EHD2: variants seen among roughly 807,000 people sequenced by gnomAD.
The protein encoded by EHD2 is EH domain-containing protein 2.
EHD2 carries 27 observed loss-of-function variants against 41.0 expected under a neutral mutation model. The observed-to-expected ratio is 0.66, with a 90% CI of 0.49 to 0.91. The LOEUF is 0.91. EHD2 is among the 40% of genes least tolerant of loss of function. EHD2 has a pLI of 0.00. For synonymous variants in EHD2, 342 were observed against 341.0 expected, an observed-to-expected ratio of 1.00 and a Z score of -0.03; for missense variants, 673 against 773.9, an observed-to-expected ratio of 0.87 and a Z score of 1.55.
rs766223992 is a variant in EHD2, at chr19:47,736,485, G to A, written c.1032G>A (p.Leu344=). The A allele has an allele frequency of 1.9e-6, 3 of 1,612,356 alleles. No individual in the cohort carries two copies. Among genetic ancestry groups the A allele is most frequent in the East Asian group, 2.2e-5 (1 of 44,708 alleles). The change falls in exon 5 of 6, where the codon CTG becomes CTA. Residue 344 remains leucine, a synonymous_variant. Transcript: ENST00000263277. The stretch of plus-strand genomic sequence containing the variant: ...CCGTCATCTTTGCGAAGATTCAGCT[G>A]GAACATCACATCTCCCCTGGGGACT... ...KLPVIFAKIQ[L]EHHISPGDFP...
intron 3 of EHD2, among the ~76,000 whole-genome samples, chr19:47,724,226 G>A (rs535477649): frequency 6.6e-6 from 1 of 151,884 alleles, no homozygotes; most frequent in Non-Finnish European, 1.5e-5. Flanking sequence ...CCATAGGCAT[G>A]AGCCACCAAC....
Position 47,736,450 on chromosome 19 carries a change from C to G in EHD2, c.997C>G (p.Leu333Val), listed in dbSNP as rs1330340362. The change falls in exon 5 of 6, where the codon CTC becomes GTC. Residue 333 changes from leucine to valine, a missense_variant. Physicochemically the swap from Leu to Val is conservative, Grantham distance 32. Coordinates refer to ENST00000263277, the MANE Select transcript of EHD2 (RefSeq NM_014601.4). ...GKENKKKQLILKLPVIFAKIQ... is the reference protein window; with the variant it reads ...GKENKKKQLIVKLPVIFAKIQ... The stretch of plus-strand genomic sequence containing the variant: ...GGAGAACAAGAAGAAGCAGCTGATC[C>G]TCAAACTGCCCGTCATCTTTGCGAA... The G allele has an allele frequency of 6.2e-7, 1 of 1,612,984 alleles. No individual in the cohort carries two copies. Among genetic ancestry groups the G allele is most frequent in the South Asian group, 1.1e-5 (1 of 90,796 alleles).
At chr19:47,739,484 C>A (rs1325610174) in intron 5 of EHD2, among the ~76,000 whole-genome samples, 4 of 149,584 alleles carry the variant, frequency 2.7e-5, no homozygotes, top group African/African-American at 9.8e-5. Flanking sequence ...GCCTGTAATC[C>A]CAGCTACTTG....
rs981524707 is a variant in EHD2 at position 47,719,292 on chromosome 19, G to A, written c.502+686G>A. Among the ~76,000 whole-genome samples, 1 of 152,038 alleles carries A rather than the reference G, an allele frequency of 6.6e-6. No homozygotes were observed. The highest frequency in any genetic ancestry group is 2.4e-5 in the African/African-American group (1 of 41,396). ...AGCCTGGGCAGGGGAGGCAGAGCCCGGGCAGGGGAGGCTGGGCCCTGCGAG... is the reference window on the plus strand; with the variant it reads ...AGCCTGGGCAGGGGAGGCAGAGCCCAGGCAGGGGAGGCTGGGCCCTGCGAG... On this transcript the variant is annotated intron_variant, in intron 3 of 5. Coordinates refer to ENST00000263277, the MANE Select transcript of EHD2 (RefSeq NM_014601.4). The surrounding 1 kb of genome is among the most constrained non-coding windows in gnomAD (Gnocchi z 4.1).
intron 4 of EHD2, among the ~76,000 whole-genome samples, chr19:47,734,109 G>A (rs913924090): frequency 2.6e-5 from 4 of 152,198 alleles, no homozygotes; most frequent in African/African-American, 9.7e-5. Context: ...CACCTTGGGT[G>A]TCTCCCCAGG....
intron 4 of EHD2, among the ~76,000 whole-genome samples, chr19:47,730,024 C>T (rs561596272): frequency 6.6e-6 from 1 of 152,104 alleles, no homozygotes; most frequent in African/African-American, 2.4e-5. Context: ...AGGTTCGTTC[C>T]CGCGGGTCCC....
At chr19:47,715,078 T>TAAATAAAA (rs1208918213) in intron 1 of EHD2, among the ~76,000 whole-genome samples, 108 of 139,738 alleles carry the variant, frequency 7.7e-4, no homozygotes, top group Middle Eastern at 7.4e-3. Flanking sequence ...AATAAATAAA[T>TAAATAAAA]AAAAAGAAAG....
rs557083531 is a variant in EHD2, at chr19:47,738,295, C to T, written c.1080+1762C>T. On this transcript the variant is annotated intron_variant, in intron 5 of 5. Coordinates refer to ENST00000263277, the MANE Select transcript of EHD2 (RefSeq NM_014601.4). Reference sequence around the variant, plus strand: ...TAGCCACATTCAAATGGAATGTTAACGTGTATTTCTTTTTTCTTTTTTTTT... The same window carrying T: ...TAGCCACATTCAAATGGAATGTTAATGTGTATTTCTTTTTTCTTTTTTTTT... Among the ~76,000 whole-genome samples the T allele has an allele frequency of 2.6e-5, 4 of 151,996 alleles. No homozygotes were observed. The South Asian group carries it at 6.2e-4, about 24-fold the overall frequency.
At position 47,742,580 on chromosome 19, in the gene EHD2, A is replaced by G. The variant is rs906258651; in HGVS notation, c.*1148A>G. 6.5e-6 allele frequency: 1 copy of G among 152,766 alleles called. No individual in the cohort carries two copies. Among genetic ancestry groups the G allele is most frequent in the Non-Finnish European group, 1.5e-5 (1 of 68,640 alleles). 9.5% of individuals were successfully genotyped at this position (152,766 alleles called of 1,614,324 possible). ...AGCCACCGTGCCCGGCTTCACACCC[A>G]TTTCTTTAAAAAGGATCCCGTAGCA... On this transcript the variant is annotated 3_prime_UTR_variant, in exon 6 of 6. Coordinates refer to ENST00000263277, the MANE Select transcript of EHD2 (RefSeq NM_014601.4).
chr19:47,731,076 T>G (rs1973802144), intron 4 of EHD2, among the ~76,000 whole-genome samples: 2 of 150,418 alleles, frequency 1.3e-5, no homozygotes, highest in Non-Finnish European at 3.0e-5. Flanking sequence ...CGAGTGGCGA[T>G]CGGGTGGAAG....
At chr19:47,722,193 C>T (rs1377476835) in intron 3 of EHD2, among the ~76,000 whole-genome samples, 1 of 152,202 alleles carries the variant, frequency 6.6e-6, no homozygotes, top group Non-Finnish European at 1.5e-5. Context: ...CCTGTTTTCG[C>T]TGGGTGAGTG....
At chr19:47,733,769 A>AAAAAAAAAAAAAAAAAAAAAC (rs1966893892) in intron 4 of EHD2, among the ~76,000 whole-genome samples, 1 of 149,610 alleles carries the variant, frequency 6.7e-6, no homozygotes, top group Non-Finnish European at 1.5e-5. Flanking sequence ...AAAAAAAAAA[A>AAAAAAAAAAAAAAAAAAAAAC]AAAAAATCCA....
intron 3 of EHD2, among the ~76,000 whole-genome samples, chr19:47,722,859 C>T (rs767591210): frequency 4.6e-5 from 7 of 152,132 alleles, no homozygotes; most frequent in South Asian, 2.1e-4. Flanking sequence ...TGAGCCACCA[C>T]GCCTAGCTAG....
rs574922422 is a variant in EHD2 at position 47,736,284 on chromosome 19, C to T, written c.916-85C>T. On this transcript the variant is annotated intron_variant, in intron 4 of 5. Coordinates refer to ENST00000263277, the MANE Select transcript of EHD2 (RefSeq NM_014601.4). ...CAGCCCAGACCAAGTAAATCAGAAT[C>T]TCTGGGAGTGGGGCCTGCAGCCTGT... The T allele has an allele frequency of 5.4e-6, 7 of 1,300,734 alleles. No individual in the cohort carries two copies. The South Asian group carries it at 8.4e-5, about 16-fold the overall frequency. The allele number at this position is 1,300,734 out of a possible 1,614,324, so 80.6% of individuals were successfully genotyped here.
intron 4 of EHD2, among the ~76,000 whole-genome samples, chr19:47,735,609 G>GA (rs562290676): frequency 5.2e-4 from 77 of 149,426 alleles, no homozygotes; most frequent in Middle Eastern, 3.4e-3. Context: ...AAAAAAAAAA[G>GA]AAAAAAAAGC....
chr19:47,714,665 C>A (rs1000233753), intron 1 of EHD2, among the ~76,000 whole-genome samples: 1 of 151,998 alleles, frequency 6.6e-6, no homozygotes, highest in Non-Finnish European at 1.5e-5. Context: ...TGTTTGAGTC[C>A]CAGCTTGAGC....
chr19:47,718,598 T>C lies in EHD2; in HGVS notation c.494T>C (p.Val165Ala). The change falls in exon 3 of 6, where the codon GTG becomes GCG. Residue 165 changes from valine (V) to alanine (A), a missense_variant. Val to Ala is a moderately conservative substitution (Grantham distance 64, BLOSUM62 0). Transcript: ENST00000263277. ...ATCCTGTCGGGTGCCAAGCAGAGAG[T>C]GAGCCGCGGTGAGTGGGGCCAGACC... ...PGILSGAKQRVSRGYDFPAVL... is the reference protein window; with the variant it reads ...PGILSGAKQRASRGYDFPAVL... The C allele has an allele frequency of 1.9e-6, 3 of 1,556,024 alleles. No individual in the cohort carries two copies. The highest frequency in any genetic ancestry group is 1.7e-6 in the Non-Finnish European group (2 of 1,148,732).
rs1043214730 is a variant in EHD2 at position 47,725,954 on chromosome 19, C to T, written c.645C>T (p.Arg215=). Residue 215 remains arginine, a synonymous_variant, in exon 4 of 6, where the codon CGC becomes CGT. Transcript: ENST00000263277. ...GALRGHEDKI[R]VVLNKADMVE... ...TGCGGGGCCATGAGGACAAGATCCG[C>T]GTGGTGCTCAACAAGGCCGACATGG... is the stretch of plus-strand genomic sequence containing the variant. 6.2e-7 allele frequency: 1 copy of T among 1,613,540 alleles called. No homozygotes were observed. Among genetic ancestry groups the T allele is most frequent in the Admixed American group, 1.7e-5 (1 of 59,986 alleles).
intron 4 of EHD2, among the ~76,000 whole-genome samples, chr19:47,728,168 T>C (rs892380124): frequency 1.3e-5 from 2 of 151,986 alleles, no homozygotes; most frequent in African/African-American, 4.8e-5. Context: ...CCATGACTCT[T>C]GTTTGATTGT....
Sources: gnomAD v4.1 joint callset for allele counts (sites outside exome capture counted in the v4.1 genomes callset) on GRCh38, gnomAD v4.1.1 for gene constraint, Gnocchi (gnomAD v3.1) non-coding constraint, MANE v1.5 for transcripts, NCBI Gene and HGNC (gene_info 2026-07-23, HGNC 2026-07-21) for gene names.